Variants in VCAN observed in about 807,000 individuals in gnomAD.
VCAN encodes versican core protein.
In VCAN, 44 loss-of-function variants were observed where a neutral mutation model predicts 245.5. The ratio of observed to expected loss-of-function variants is 0.18; its 90% CI spans 0.14 to 0.23. VCAN has a LOEUF of 0.23. VCAN is among the 10% of genes least tolerant of loss of function. The pLI, the probability that VCAN is intolerant of heterozygous loss-of-function variation, is 1.00. For synonymous variants in VCAN, 1,413 were observed against 1,437.0 expected, an observed-to-expected ratio of 0.98 and a Z score of 0.38; for missense variants, 3,793 against 4,057.9, an observed-to-expected ratio of 0.93 and a Z score of 1.77.
At chr5:83,543,273 A>G (rs1347809988) in intron 8 of VCAN, among the ~76,000 whole-genome samples, 2 of 152,222 alleles carry the variant, frequency 1.3e-5, no homozygotes, top group Non-Finnish European at 2.9e-5. Flanking sequence ...TAATGTTATT[A>G]TTTAAATTAA....
intron 6 of VCAN, among the ~76,000 whole-genome samples, chr5:83,514,021 G>C (rs536873826): frequency 9.2e-5 from 14 of 152,084 alleles, no homozygotes; most frequent in African/African-American, 3.4e-4. Context: ...CCTGTCTGTA[G>C]CCACAAAGAC....
At chr5:83,524,470 A>G (rs889430734) in intron 7 of VCAN, among the ~76,000 whole-genome samples, 13 of 152,098 alleles carry the variant, frequency 8.5e-5, no homozygotes, top group Non-Finnish European at 1.5e-4. Context: ...GTGTACAACA[A>G]GGGGATGTAT....
In VCAN at chr5:83,539,741, G is replaced by A. The variant is rs763147372; in HGVS notation, c.6738G>A (p.Glu2246=). The A allele has an allele frequency of 5.0e-6, 8 of 1,613,842 alleles. No individual in the cohort carries two copies. The highest frequency in any genetic ancestry group is 5.1e-6 in the Non-Finnish European group (6 of 1,179,982). ...AAGGCATGAGACCAACAATTCAAGA[G>A]TCAGATACTGAGCTCTTATTCTCTG... is the stretch of plus-strand genomic sequence containing the variant. The part of the protein sequence containing the change: ...FPKGMRPTIQ[E]SDTELLFSGL... Residue 2246 remains glutamate, a synonymous_variant, in exon 8 of 15, where the codon GAG becomes GAA. Transcript: ENST00000265077.
At position 83,541,836 on chromosome 5, in the gene VCAN, A is replaced by G. The variant is rs1747008924; in HGVS notation, c.8833A>G (p.Ile2945Val). ...KTDGQVSGEA[I>V]KMFPTIKTPE... The stretch of plus-strand genomic sequence containing the variant: ...CGATGGTCAAGTTTCTGGAGAAGCA[A>G]TCAAGATGTTTCCCACCATTAAAAC... Residue 2945 changes from isoleucine to valine, a missense_variant, in exon 8 of 15, where the codon ATC becomes GTC. This residue lies in a region of VCAN where 3,182 missense variants were observed against 3,250.3 expected (regional missense o/e 0.98). Coordinates refer to ENST00000265077, the MANE Select transcript of VCAN (RefSeq NM_004385.5). The G allele has an allele frequency of 6.2e-7, 1 of 1,614,016 alleles. No homozygotes were observed. Among genetic ancestry groups the G allele is most frequent in the Admixed American group, 1.7e-5 (1 of 59,992 alleles).
intron 12 of VCAN, among the ~76,000 whole-genome samples, chr5:83,565,735 A>C: frequency 6.6e-6 from 1 of 152,096 alleles, no homozygotes; most frequent in Non-Finnish European, 1.5e-5. Flanking sequence ...ATTGCTCTTA[A>C]AACTTCTTAG....
Position 83,539,126 on chromosome 5 carries a change from C to T in VCAN, c.6123C>T (p.Ile2041=), listed in dbSNP as rs113659987. Residue 2041 remains isoleucine (I), a synonymous_variant, in exon 8 of 15, where the codon ATC becomes ATT. Transcript: ENST00000265077. The part of the protein sequence containing the change: ...QKFSGTASSI[I]DEGLGEVGTV... ...TTTCTGGTACAGCTTCCTCCATTAT[C>T]GACGAAGGATTGGGAGAAGTGGGTA... 2.3e-3 allele frequency: 3,674 copies of T among 1,613,890 alleles called. 87 individuals carry two copies. The African/African-American group carries it at 0.043, about 19-fold the overall frequency.
At chr5:83,528,152 C>T (rs76315533) in intron 7 of VCAN, among the ~76,000 whole-genome samples, 1 of 152,092 alleles carries the variant, frequency 6.6e-6, no homozygotes, top group South Asian at 2.1e-4. Flanking sequence ...AGTTGTCATA[C>T]TAAACATATA....
At position 83,538,812 on chromosome 5, in the gene VCAN, G is replaced by A. The variant is rs756870122; in HGVS notation, c.5809G>A (p.Asp1937Asn). 49 of 1,613,772 alleles carry A rather than the reference G, an allele frequency of 3.0e-5. No individual in the cohort carries two copies. The highest frequency in any genetic ancestry group is 5.0e-5 in the Admixed American group (3 of 59,968). ...GFPLEEDFSGDFREYSTVSHP... is the reference protein window; with the variant it reads ...GFPLEEDFSGNFREYSTVSHP... ...TCCTTTGGAGGAAGATTTCAGTGGT[G>A]ACTTTAGAGAATACTCAACAGTGTC... Residue 1937 changes from aspartate to asparagine, a missense_variant, in exon 8 of 15, where the codon GAC (aspartate) becomes AAC (asparagine). Physicochemically the swap from Asp to Asn is conservative, Grantham distance 23. This residue lies in a region of VCAN where 3,182 missense variants were observed against 3,250.3 expected (regional missense o/e 0.98). Transcript: ENST00000265077.
chr5:83,577,396 A>G (rs1213306225), intron 13 of VCAN, among the ~76,000 whole-genome samples: 4 of 152,304 alleles, frequency 2.6e-5, no homozygotes, highest in South Asian at 2.1e-4. Flanking sequence ...ATCGTAGCCA[A>G]TGATTATAAC....
rs1452739433 is a variant in VCAN, at chr5:83,481,284, G to A, written c.-6-2229G>A. On this transcript the variant is annotated intron_variant, in intron 1 of 14. Transcript: ENST00000265077. The stretch of plus-strand genomic sequence containing the variant: ...TTTTGAGACGGAGTCTCGCTCTGTC[G>A]CCCAGGCGCAATCTCAGCTCACTGC... 7.9e-5 allele frequency among the ~76,000 whole-genome samples: 11 copies of A among 139,658 alleles called. No individual in the cohort carries two copies. The East Asian group carries it at 1.4e-3, about 18-fold the overall frequency. The allele number at this position is 139,658 out of a possible 152,430, so 91.6% of individuals were successfully genotyped here. A position where few individuals can be genotyped will look rare whatever the true frequency, so the allele number is the denominator to read the frequency against.
At chr5:83,506,488 A>G (rs1384677877) in intron 5 of VCAN, among the ~76,000 whole-genome samples, 1 of 150,846 alleles carries the variant, frequency 6.6e-6, no homozygotes. Context: ...CTTCATCTCC[A>G]TCTGAGACCA....
Position 83,541,395 on chromosome 5 carries a change from G to A in VCAN, c.8392G>A (p.Val2798Met), listed in dbSNP as rs758186632. The A allele has an allele frequency of 1.7e-5, 27 of 1,613,956 alleles. No individual in the cohort carries two copies. The highest frequency in any genetic ancestry group is 3.3e-5 in the Admixed American group (2 of 59,978). The part of the protein sequence containing the change: ...MDQSVTEVPD[V>M]MEGSNPPYYT... ...TCAGAGTGTAACAGAGGTGCCTGATGTGATGGAAGGATCCAATCCCCCATA... is the reference window on the plus strand; with the variant it reads ...TCAGAGTGTAACAGAGGTGCCTGATATGATGGAAGGATCCAATCCCCCATA... The change falls in exon 8 of 15, where the codon GTG (valine) becomes ATG (methionine). Residue 2798 changes from valine (V) to methionine (M), a missense_variant. Physicochemically the swap from Val to Met is conservative, Grantham distance 21. This residue lies in a region of VCAN where 3,182 missense variants were observed against 3,250.3 expected (regional missense o/e 0.98). Coordinates refer to ENST00000265077, the MANE Select transcript of VCAN (RefSeq NM_004385.5).
chr5:83,521,715 G>C lies in VCAN; in HGVS notation c.3409G>C (p.Glu1137Gln), dbSNP rs767840246. ...GPKVSLSPGP[E>Q]QKYETEGSST... ...AAAAGTATCTTTAAGTCCAGGGCCTGAACAAAAATATGAAACAGAAGGTAG... is the reference window on the plus strand; with the variant it reads ...AAAAGTATCTTTAAGTCCAGGGCCTCAACAAAAATATGAAACAGAAGGTAG... Residue 1137 changes from glutamate (E) to glutamine (Q), a missense_variant, in exon 7 of 15, where the codon GAA becomes CAA. Transcript: ENST00000265077. The C allele has an allele frequency of 3.7e-6, 6 of 1,613,892 alleles. No individual in the cohort carries two copies. Among genetic ancestry groups the C allele is most frequent in the Non-Finnish European group, 5.1e-6 (6 of 1,180,020 alleles).
intron 5 of VCAN, among the ~76,000 whole-genome samples, chr5:83,504,977 G>T (rs1055746901): frequency 1.5e-4 from 23 of 152,080 alleles, no homozygotes; most frequent in African/African-American, 5.3e-4. Context: ...AAACCCATTA[G>T]ATCTCATGAG....
At chr5:83,519,290 G>T in intron 6 of VCAN, 59 bp from the exon 7 acceptor site, 1 of 1,572,320 alleles carries the variant, frequency 6.4e-7, no homozygotes, top group South Asian at 1.1e-5. Flanking sequence ...AACAAACACT[G>T]GGCATACAAG....
chr5:83,559,325 C>T (rs1013250668), intron 12 of VCAN, among the ~76,000 whole-genome samples: 3 of 152,118 alleles, frequency 2.0e-5, no homozygotes, highest in Non-Finnish European at 2.9e-5. Flanking sequence ...TTTCCCTTCC[C>T]TGGCTATGAA....
rs1417998756 is a variant in VCAN, at chr5:83,553,501, G to A, written c.9631G>A (p.Glu3211Lys). ...CCATCTCACAAGCATCCTGTCTCAC[G>A]AAGAACAAATGTTTGTTAATCGTAT... ...GAHLTSILSH[E>K]EQMFVNRVGH... The change falls in exon 11 of 15, where the codon GAA (glutamate) becomes AAA (lysine). Residue 3211 changes from glutamate to lysine, a missense_variant. Coordinates refer to ENST00000265077, the MANE Select transcript of VCAN (RefSeq NM_004385.5). The A allele has an allele frequency of 4.3e-6, 7 of 1,613,992 alleles. No individual in the cohort carries two copies. The highest frequency in any genetic ancestry group is 5.1e-6 in the Non-Finnish European group (6 of 1,179,990).
At chr5:83,554,797 A>G (rs1368214404) in intron 11 of VCAN, among the ~76,000 whole-genome samples, 159 bp from the exon 12 acceptor site, 1 of 152,200 alleles carries the variant, frequency 6.6e-6, no homozygotes, top group Non-Finnish European at 1.5e-5. Flanking sequence ...TGGGCAGAAG[A>G]ACAAAAGGTA....
chr5:83,517,370 A>G (rs1470228167), intron 6 of VCAN, among the ~76,000 whole-genome samples: 1 of 152,194 alleles, frequency 6.6e-6, no homozygotes, highest in African/African-American at 2.4e-5. Context: ...GGAAATACTC[A>G]GAGGGAAAAA....
Sources: allele counts gnomAD v4.1 joint callset (sites outside exome capture counted in the v4.1 genomes callset), GRCh38; gene constraint gnomAD v4.1.1; regional missense constraint gnomAD v4.1.1; transcripts MANE v1.5; gene names NCBI Gene and HGNC (gene_info 2026-07-23, HGNC 2026-07-21).